Variants in SMCO2 observed in about 807,000 individuals in gnomAD.
SMCO2 encodes single-pass membrane protein with coiled-coil domains 2.
SMCO2 carries 25 observed loss-of-function variants against 29.5 expected under a neutral mutation model. That is an observed-to-expected ratio of 0.85 (90% confidence interval 0.62 to 1.18). SMCO2 has a LOEUF of 1.18. Ranked by LOEUF, SMCO2 falls within the 50% of genes most tolerant of loss-of-function variation. The pLI is 0.00. For missense variants in SMCO2, 348 were observed against 344.5 expected (o/e 1.01, Z -0.08); for synonymous variants, 117 against 123.3 (o/e 0.95, Z 0.34).
the SMCO2 span, among the ~76,000 whole-genome samples, chr12:27,449,707 A>T: frequency 1.3e-5 from 2 of 152,228 alleles, no homozygotes; most frequent in Non-Finnish European, 2.9e-5. Context: ...TGATGCACTG[A>T]TAACACCAAT....
the SMCO2 span, among the ~76,000 whole-genome samples, chr12:27,454,917 A>G: frequency 3.4e-5 from 5 of 146,010 alleles, no homozygotes; most frequent in African/African-American, 1.3e-4. Flanking sequence ...ATCCTTTTTT[A>G]TGGCTGCATA....
intron 4 of SMCO2, among the ~76,000 whole-genome samples, chr12:27,480,482 A>C (rs1483055692): frequency 6.6e-6 from 1 of 150,880 alleles, no homozygotes; most frequent in East Asian, 1.9e-4. Flanking sequence ...TCACAAGTCA[A>C]CCCCTTGTCA....
chr12:27,448,264 T>G, the SMCO2 span, among the ~76,000 whole-genome samples: 2 of 152,168 alleles, frequency 1.3e-5, no homozygotes, highest in Admixed American at 6.5e-5. Flanking sequence ...TACAGAGGTG[T>G]TGTCAGGATT....
chr12:27,489,919 G>A (rs947656471), intron 5 of SMCO2, among the ~76,000 whole-genome samples: 1 of 152,180 alleles, frequency 6.6e-6, no homozygotes, highest in African/African-American at 2.4e-5. Context: ...TCAAAAGACT[G>A]AGGAGAAAGA....
the SMCO2 span, among the ~76,000 whole-genome samples, chr12:27,437,748 G>A: frequency 2.0e-5 from 3 of 152,136 alleles, no homozygotes; most frequent in African/African-American, 4.8e-5. Context: ...ACCTGCATGC[G>A]CAGCTCCAGC....
At chr12:27,464,837 C>T (rs1382685182), upstream of SMCO2, among the ~76,000 whole-genome samples, 11 of 148,784 alleles carry the variant, frequency 7.4e-5, no homozygotes, top group South Asian at 6.3e-4. Flanking sequence ...CTGGCTAACA[C>T]GGTGAAACCC....
the SMCO2 span, among the ~76,000 whole-genome samples, chr12:27,427,790 G>T: frequency 6.6e-6 from 1 of 152,172 alleles, no homozygotes; most frequent in Non-Finnish European, 1.5e-5. Context: ...GATTTATCAA[G>T]ATGGGGAAAT....
chr12:27,436,485 G>A, the SMCO2 span, among the ~76,000 whole-genome samples: 236 of 152,166 alleles, frequency 1.6e-3, no homozygotes, highest in Non-Finnish European at 3.0e-3. Context: ...CCATGGTGGG[G>A]GCATTCACAG....
At chr12:27,458,819 G>A in the SMCO2 span, among the ~76,000 whole-genome samples, 3 of 151,320 alleles carry the variant, frequency 2.0e-5, no homozygotes, top group Admixed American at 6.6e-5. Context: ...CCCGGGAGGC[G>A]GAGGTTGCAG....
At chr12:27,486,868 CCTT>C (rs1565680110) in intron 4 of SMCO2, among the ~76,000 whole-genome samples, 1 of 152,180 alleles carries the variant, frequency 6.6e-6, no homozygotes, top group Non-Finnish European at 1.5e-5. Flanking sequence ...TAATTCTCCT[CCTT>C]TTTTCTTTTG....
chr12:27,477,568 A>G (rs1303497530), intron 4 of SMCO2, among the ~76,000 whole-genome samples: 1 of 60,108 alleles, frequency 1.7e-5, no homozygotes, highest in African/African-American at 1.6e-4. Context: ...AACTCCTAAT[A>G]TCCAAATATT....
chr12:27,423,839 A>T, the SMCO2 span: 1 of 152,180 alleles, frequency 6.6e-6, no homozygotes, highest in Non-Finnish European at 1.5e-5. Flanking sequence ...ATTCTAATCC[A>T]CAGGACTTGG....
chr12:27,495,722 A>T (rs957545495), exon 7 of SMCO2: 4 of 1,533,196 alleles, frequency 2.6e-6, no homozygotes, highest in Admixed American at 3.9e-5. Flanking sequence ...AAAGCTAAGG[A>T]TGTATCAAAT....
chr12:27,430,995 T>G, the SMCO2 span, among the ~76,000 whole-genome samples: 1 of 152,080 alleles, frequency 6.6e-6, no homozygotes, highest in Non-Finnish European at 1.5e-5. Flanking sequence ...CAAAAGATAT[T>G]TAGTTATGAA....
At chr12:27,494,469 C>CT in intron 6 of SMCO2, 113 bp downstream of exon 7, 1 of 347,686 alleles carries the variant, frequency 2.9e-6, no homozygotes, top group Non-Finnish European at 5.3e-6. Flanking sequence ...TAGTCTCTTT[C>CT]TTTTTTATTT....
At chr12:27,431,029 T>TC in the SMCO2 span, among the ~76,000 whole-genome samples, 1 of 127,606 alleles carries the variant, frequency 7.8e-6, no homozygotes, top group South Asian at 2.5e-4. Flanking sequence ...TTTACTATCT[T>TC]TTTTTTTTTT....
At chr12:27,434,105 C>A in the SMCO2 span, among the ~76,000 whole-genome samples, 112,795 of 152,108 alleles carry the variant, frequency 0.74, 42,268 homozygotes, top group Middle Eastern at 0.9. Context: ...TAAAGAGCTG[C>A]TTTCTGAAAC....
the SMCO2 span, among the ~76,000 whole-genome samples, chr12:27,435,291 C>T: frequency 9.4e-5 from 2 of 21,366 alleles, 1 homozygote; most frequent in African/African-American, 2.7e-4. Context: ...AACCCCCCCC[C>T]CCCCCCCCCC....
chr12:27,445,362 T>A, the SMCO2 span, among the ~76,000 whole-genome samples: 1 of 152,232 alleles, frequency 6.6e-6, no homozygotes, highest in South Asian at 2.1e-4. Context: ...GAATTTTTTT[T>A]AGAATAAGTA....
Sources: allele counts gnomAD v4.1 joint callset (sites outside exome capture counted in the v4.1 genomes callset), GRCh38; gene constraint gnomAD v4.1.1; transcripts MANE v1.5; gene names NCBI Gene and HGNC (gene_info 2026-07-23, HGNC 2026-07-21).